Variants in URB1 observed in about 807,000 individuals in gnomAD.
The protein encoded by URB1 is nucleolar pre-ribosomal-associated protein 1.
A neutral mutation model predicts 242.3 loss-of-function variants in URB1; 197 were observed. That is an observed-to-expected ratio of 0.81 (90% CI 0.72 to 0.91). URB1 has a LOEUF of 0.91. URB1 is among the 40% of genes least tolerant of loss of function. URB1 has a pLI of 0.00. For synonymous variants in URB1, 1,153 were observed against 1,201.8 expected (o/e 0.96, Z 0.84); for missense variants, 2,721 against 2,860.5 (o/e 0.95, Z 1.11).
intron 38 of URB1, among the ~76,000 whole-genome samples, chr21:32,316,101 ACGCACG>A (rs2032680158): frequency 6.6e-6 from 1 of 152,238 alleles, no homozygotes; most frequent in South Asian, 2.1e-4. Context: ...AAGCATACGC[ACGCACG>A]CGCACACACA....
In URB1 at chr21:32,361,199, G is replaced by GAAAGAAAGAAAGAAAGAA. The variant is rs2033283674; in HGVS notation, c.1640-77_1640-76insTTCTTTCTTTCTTTCTTT. On this transcript the variant is annotated intron_variant, in intron 12 of 38. Transcript: ENST00000382751. ...AGAAAGAAAGAAAGAAAGAAAGAAAGAAAGAAAATAGCTTGAATTAGAAAA... is the reference window on the plus strand; with the variant it reads ...AGAAAGAAAGAAAGAAAGAAAGAAAGAAAGAAAGAAAGAAAGAAAAAGAAAATAGCTTGAATTAGAAAA... 6 of 918,488 alleles carry GAAAGAAAGAAAGAAAGAA rather than the reference G, an allele frequency of 6.5e-6. No homozygotes were observed. In the South Asian group the frequency reaches 1.1e-4, roughly 17 times the overall value. 56.9% of individuals were successfully genotyped at this position (918,488 alleles called of 1,614,324 possible).
intron 19 of URB1, among the ~76,000 whole-genome samples, chr21:32,352,063 G>A (rs2033164534): frequency 6.6e-6 from 1 of 152,134 alleles, no homozygotes; most frequent in African/African-American, 2.4e-5. Context: ...ACATGCAATC[G>A]CTGTTGGCTA....
chr21:32,329,011 G>C (rs1024785244), intron 30 of URB1, among the ~76,000 whole-genome samples: 1 of 151,962 alleles, frequency 6.6e-6, no homozygotes, highest in Non-Finnish European at 1.5e-5. Flanking sequence ...AGCCTCCCAA[G>C]GTGCTGTAAT....
intron 11 of URB1, among the ~76,000 whole-genome samples, chr21:32,362,422 G>C (rs1248544930): frequency 1.3e-5 from 2 of 152,094 alleles, no homozygotes; most frequent in African/African-American, 4.8e-5. Flanking sequence ...GGCCAGGCTG[G>C]TCCTTGAACT....
At chr21:32,334,114 T>C in intron 29 of URB1, 49 bp downstream of exon 29, 1 of 1,484,586 alleles carries the variant, frequency 6.7e-7, no homozygotes, top group South Asian at 1.3e-5. Context: ...ATGGAGCCCC[T>C]GAGGCTGGGG....
intron 11 of URB1, 35 bp from the exon 12 acceptor site, chr21:32,362,056 G>A: frequency 6.5e-7 from 1 of 1,548,034 alleles, no homozygotes; most frequent in Non-Finnish European, 8.7e-7. Context: ...ATTAGTTGTA[G>A]TCAACCACAA....
intron 1 of URB1, 25 bp downstream of exon 1, chr21:32,392,744 C>A: frequency 7.1e-7 from 1 of 1,417,160 alleles, no homozygotes; most frequent in Non-Finnish European, 9.2e-7. Context: ...TGCTCCCGAC[C>A]CTGCGCCTGC....
At chr21:32,339,874 G>A (rs910097003) in intron 25 of URB1, among the ~76,000 whole-genome samples, 3 of 152,178 alleles carry the variant, frequency 2.0e-5, no homozygotes, top group Non-Finnish European at 4.4e-5. Flanking sequence ...GAACAGCTGC[G>A]CCTGAGAAAG....
intron 24 of URB1, among the ~76,000 whole-genome samples, chr21:32,342,030 G>T (rs970701046): frequency 3.1e-5 from 1 of 32,420 alleles, no homozygotes; most frequent in Non-Finnish European, 5.6e-5. Context: ...GAGCATGAAG[G>T]TTTTGGATTT....
At position 32,314,310 on chromosome 21, in the gene URB1, G is replaced by C; in HGVS notation, c.*608C>G. ...AGCGATTCCCCTGCCTTAGCCTCCC[G>C]AGTAGCTGGAATTACAGGTGTGCGC... is the stretch of plus-strand genomic sequence containing the variant. On this transcript the variant is annotated 3_prime_UTR_variant, in exon 39 of 39. Transcript: ENST00000382751. 2.4e-6 allele frequency: 1 copy of C among 418,114 alleles called. No individual in the cohort carries two copies. The highest frequency in any genetic ancestry group is 4.5e-6 in the Non-Finnish European group (1 of 221,716). 25.9% of individuals were successfully genotyped at this position (418,114 alleles called of 1,614,324 possible).
At position 32,345,409 on chromosome 21, in the gene URB1, C is replaced by T; in HGVS notation, c.4035G>A (p.Leu1345=). Residue 1345 remains leucine, a synonymous_variant, in exon 23 of 39, where the codon CTG becomes CTA. Transcript: ENST00000382751. ...TGCTTGGGGTGTGAAGCAAGCTGGG[C>T]AGGCGGTCCATGAGTACACTGAGAT... ...AKDLSVLMDR[L]PSLLHTPSSH... 2 of 1,551,448 alleles carry T rather than the reference C, an allele frequency of 1.3e-6. No homozygotes were observed. Among genetic ancestry groups the T allele is most frequent in the Non-Finnish European group, 1.7e-6 (2 of 1,146,940 alleles).
intron 14 of URB1, among the ~76,000 whole-genome samples, chr21:32,359,408 C>A (rs915227209): frequency 6.6e-6 from 1 of 152,204 alleles, no homozygotes; most frequent in Non-Finnish European, 1.5e-5. Context: ...TCAACCCTCT[C>A]CTGACTTGGT....
At position 32,381,791 on chromosome 21, in the gene URB1, A is replaced by T. The variant is rs182341981; in HGVS notation, c.567+1631T>A. On this transcript the variant is annotated intron_variant, in intron 4 of 38. Transcript: ENST00000382751. ...ATGATTCACGTCTGGGATTTGCTAT[A>T]ATCGACTGCCCCAGAGGAAACTGAA... Among the ~76,000 whole-genome samples, 75 of 152,338 alleles carry T rather than the reference A, an allele frequency of 4.9e-4. 1 individual carries two copies. Among genetic ancestry groups the T allele is most frequent in the African/African-American group, 1.7e-3 (71 of 41,586 alleles).
At chr21:32,355,338 C>T in intron 16 of URB1, 111 bp downstream of exon 16, 1 of 947,006 alleles carries the variant, frequency 1.1e-6, no homozygotes, top group Non-Finnish European at 1.6e-6. Context: ...AGGAAGTAAG[C>T]CAGGACGAGA....
In URB1 at chr21:32,346,956, C is replaced by T. The variant is rs1044336854; in HGVS notation, c.3868G>A (p.Val1290Met). The change falls in exon 22 of 39, where the codon GTG (valine) becomes ATG (methionine). Residue 1290 changes from valine to methionine, a missense_variant and splice_region_variant. By Grantham distance (21) the Val-to-Met change is conservative. Transcript: ENST00000382751. ...TRSHFTRPAGVSSAVIPVLRK... is the reference protein window; with the variant it reads ...TRSHFTRPAGMSSAVIPVLRK... Reference sequence around the variant, plus strand: ...TGCCCAAAGCTAGCCTTTCCCTTACCTCCTGCTGGGCGTGTGAAGTGGCTC... The same window carrying T: ...TGCCCAAAGCTAGCCTTTCCCTTACTTCCTGCTGGGCGTGTGAAGTGGCTC... 4 of 1,504,918 alleles carry T rather than the reference C, an allele frequency of 2.7e-6. No homozygotes were observed. The highest frequency in any genetic ancestry group is 3.6e-6 in the Non-Finnish European group (4 of 1,117,162). The allele number at this position is 1,504,918 out of a possible 1,614,324, so 93.2% of individuals were successfully genotyped here.
intron 4 of URB1, among the ~76,000 whole-genome samples, chr21:32,379,650 G>C (rs140109132): frequency 6.4e-4 from 98 of 152,242 alleles, no homozygotes; most frequent in Middle Eastern, 3.4e-3. Context: ...CAGCCTGAGG[G>C]AGAGATGCCC....
intron 34 of URB1, 89 bp downstream of exon 34, chr21:32,321,712 C>T (rs764490029): frequency 2.6e-6 from 4 of 1,514,860 alleles, no homozygotes; most frequent in African/African-American, 1.4e-5. Context: ...AGGCTGGGAA[C>T]TGAATTCATA....
rs903626222 is a variant in URB1, at chr21:32,311,520, G to C, written c.*3398C>G. The C allele has an allele frequency of 1.2e-5, 11 of 921,958 alleles. No individual in the cohort carries two copies. The African/African-American group carries it at 1.9e-4, about 16-fold the overall frequency. The allele number at this position is 921,958 out of a possible 1,614,324, so 57.1% of individuals were successfully genotyped here. A position where few individuals can be genotyped will look rare whatever the true frequency, so the allele number is the denominator to read the frequency against. On this transcript the variant is annotated 3_prime_UTR_variant, in exon 39 of 39. Transcript: ENST00000382751. Reference sequence around the variant, plus strand: ...CTCTCCTCTGAGATTTCTCTAGAATGGCCACCTTTGTGAGCTGGCTGACCC... The same window carrying C: ...CTCTCCTCTGAGATTTCTCTAGAATCGCCACCTTTGTGAGCTGGCTGACCC...
At chr21:32,384,263 A>C in intron 3 of URB1, 50 bp downstream of exon 3, 1 of 1,528,658 alleles carries the variant, frequency 6.5e-7, no homozygotes, top group Non-Finnish European at 8.8e-7. Context: ...AGCTGAATGC[A>C]GACCAAACCC....
Sources: allele counts gnomAD v4.1 joint callset (sites outside exome capture counted in the v4.1 genomes callset), GRCh38; gene constraint gnomAD v4.1.1; transcripts MANE v1.5; gene names NCBI Gene and HGNC (gene_info 2026-07-23, HGNC 2026-07-21).